The following UNC5C variants were observed in gnomAD, a reference collection of about 807,000 sequenced individuals.
The protein encoded by UNC5C is netrin receptor UNC5C.
A neutral mutation model predicts 99.8 loss-of-function variants in UNC5C; 47 were observed. The ratio of observed to expected loss-of-function variants is 0.47; its 90% CI spans 0.37 to 0.60. The LOEUF is 0.60. UNC5C is among the 20% of genes least tolerant of loss of function. The probability of loss-of-function intolerance (pLI) is 0.00; values close to 1 mark genes in which losing one functional copy is unlikely to be tolerated. For synonymous variants in UNC5C, 487 were observed against 452.2 expected (o/e 1.08, Z -0.98); for missense variants, 1,062 against 1,165.9 (o/e 0.91, Z 1.30).
At chr4:95,439,016 G>T (rs1425679598) in intron 1 of UNC5C, among the ~76,000 whole-genome samples, 1 of 152,122 alleles carries the variant, frequency 6.6e-6, no homozygotes, top group Admixed American at 6.5e-5. Flanking sequence ...GATGGTACAA[G>T]GTAGCTTTGT....
At chr4:95,200,265 T>C (rs1321522680) in intron 12 of UNC5C, among the ~76,000 whole-genome samples, 2 of 152,242 alleles carry the variant, frequency 1.3e-5, no homozygotes, top group Admixed American at 6.5e-5. Context: ...GCTTCCTTGA[T>C]TCATTTTTCT....
chr4:95,499,486 G>A (rs184910543), intron 1 of UNC5C, among the ~76,000 whole-genome samples: 134 of 152,226 alleles, frequency 8.8e-4, no homozygotes, highest in Non-Finnish European at 1.6e-3. Flanking sequence ...GCAAGGGCAG[G>A]TAGCATGACC....
intron 1 of UNC5C, among the ~76,000 whole-genome samples, chr4:95,423,119 C>A (rs2149457006): frequency 6.6e-6 from 1 of 152,136 alleles, no homozygotes; most frequent in East Asian, 1.9e-4. Context: ...TTGACAAGCC[C>A]CATTGCAACC....
intron 1 of UNC5C, among the ~76,000 whole-genome samples, chr4:95,443,551 T>C (rs1033129082): frequency 3.9e-5 from 6 of 152,196 alleles, no homozygotes; most frequent in African/African-American, 1.4e-4. Flanking sequence ...TGCAGAGGAA[T>C]CTAGGACCTT....
At chr4:95,398,022 A>C (rs1745569216) in intron 1 of UNC5C, among the ~76,000 whole-genome samples, 1 of 145,556 alleles carries the variant, frequency 6.9e-6, no homozygotes, top group Admixed American at 6.8e-5. Flanking sequence ...ACAATTTCCC[A>C]ATGAGAAGTA....
chr4:95,492,213 T>C (rs554503966), intron 1 of UNC5C, among the ~76,000 whole-genome samples: 5 of 151,482 alleles, frequency 3.3e-5, no homozygotes, highest in African/African-American at 1.2e-4. Flanking sequence ...AGCTACACTA[T>C]CTTAATTAAT....
intron 3 of UNC5C, among the ~76,000 whole-genome samples, chr4:95,289,511 G>A (rs1029992095): frequency 1.3e-5 from 2 of 152,104 alleles, no homozygotes; most frequent in African/African-American, 4.8e-5. Context: ...GTGCTTTTCA[G>A]TTAATTCTTT....
At chr4:95,348,560 A>T in intron 1 of UNC5C, among the ~76,000 whole-genome samples, 1 of 150,098 alleles carries the variant, frequency 6.7e-6, no homozygotes, top group East Asian at 2.0e-4. Context: ...GATATGCACA[A>T]TGTGGTAGAT....
intron 10 of UNC5C, among the ~76,000 whole-genome samples, chr4:95,209,360 T>C (rs1186806266): frequency 1.3e-5 from 2 of 152,228 alleles, no homozygotes; most frequent in Non-Finnish European, 2.9e-5. Context: ...CACAGTTGAC[T>C]ATTAATTCTA....
At chr4:95,426,468 T>TAA (rs1746488499) in intron 1 of UNC5C, among the ~76,000 whole-genome samples, 1 of 152,208 alleles carries the variant, frequency 6.6e-6, no homozygotes, top group Non-Finnish European at 1.5e-5. Context: ...AAAGGAAGAT[T>TAA]TGCACATCTC....
At chr4:95,513,946 T>G (rs1213875922) in intron 1 of UNC5C, among the ~76,000 whole-genome samples, 1 of 152,174 alleles carries the variant, frequency 6.6e-6, no homozygotes, top group Non-Finnish European at 1.5e-5. Context: ...GCCCATCACT[T>G]GAATAATTTG....
At chr4:95,317,181 T>TA (rs1183955808) in intron 2 of UNC5C, among the ~76,000 whole-genome samples, 3 of 152,158 alleles carry the variant, frequency 2.0e-5, no homozygotes, top group African/African-American at 7.2e-5. Flanking sequence ...CAGCACTGGG[T>TA]AATGTCTCCC....
intron 1 of UNC5C, among the ~76,000 whole-genome samples, chr4:95,536,351 C>T (rs1722782966): frequency 6.6e-6 from 1 of 152,142 alleles, no homozygotes; most frequent in African/African-American, 2.4e-5. Flanking sequence ...GCTAGGATTA[C>T]AGGCATGAGC....
At chr4:95,180,132 A>G (rs552615313) in intron 14 of UNC5C, among the ~76,000 whole-genome samples, 1 of 151,146 alleles carries the variant, frequency 6.6e-6, no homozygotes, top group South Asian at 2.1e-4. Context: ...TGTTTAGAAC[A>G]CTTACTTACT....
intron 3 of UNC5C, among the ~76,000 whole-genome samples, chr4:95,288,063 A>ATTATTTACTTAT (rs1741300810): frequency 7.0e-6 from 1 of 143,176 alleles, no homozygotes; most frequent in Non-Finnish European, 1.5e-5. Context: ...CACTTTACAG[A>ATTATTTACTTAT]TTATTTATTT....
chr4:95,443,095 A>G (rs1026828470), intron 1 of UNC5C, among the ~76,000 whole-genome samples: 1 of 152,138 alleles, frequency 6.6e-6, no homozygotes, highest in Non-Finnish European at 1.5e-5. Flanking sequence ...AGTTGATATT[A>G]ATAAGGAAAT....
intron 2 of UNC5C, among the ~76,000 whole-genome samples, chr4:95,332,621 G>C (rs1172296983): frequency 6.6e-6 from 1 of 151,266 alleles, no homozygotes; most frequent in Admixed American, 6.6e-5. Context: ...AAAAACCCTA[G>C]AAGAAAACCT....
intron 1 of UNC5C, among the ~76,000 whole-genome samples, chr4:95,393,697 T>C (rs996365632): frequency 2.6e-5 from 4 of 152,198 alleles, no homozygotes; most frequent in African/African-American, 9.7e-5. Flanking sequence ...CTTTAGAGAA[T>C]ATTCAGTGTG....
chr4:95,387,550 T>C (rs548738188), intron 1 of UNC5C, among the ~76,000 whole-genome samples: 14 of 152,306 alleles, frequency 9.2e-5, no homozygotes, highest in African/African-American at 2.9e-4. Context: ...ACTTTTAAAA[T>C]GTAATAAGGG....
Sources: gnomAD v4.1 joint callset for allele counts (sites outside exome capture counted in the v4.1 genomes callset) on GRCh38, gnomAD v4.1.1 for gene constraint, MANE v1.5 for transcripts, NCBI Gene and HGNC (gene_info 2026-07-23, HGNC 2026-07-21) for gene names.